Variants in CSF2RB observed in about 807,000 individuals in gnomAD.
CSF2RB encodes colony stimulating factor 2 receptor subunit beta.
CSF2RB carries 22 observed loss-of-function variants against 67.2 expected under a neutral mutation model. The ratio of observed to expected loss-of-function variants is 0.33; its 90% CI spans 0.23 to 0.47. The LOEUF (loss-of-function observed/expected upper bound fraction) is 0.47. CSF2RB is among the 20% of genes least tolerant of loss of function. CSF2RB has a pLI of 1.00. For synonymous variants in CSF2RB, 507 were observed against 482.9 expected (o/e 1.05, Z -0.65); for missense variants, 1,113 against 1,174.5 (o/e 0.95, Z 0.76).
At chr22:36,924,178 G>T (rs1940952280) in intron 3 of CSF2RB, among the ~76,000 whole-genome samples, 1 of 142,874 alleles carries the variant, frequency 7.0e-6, no homozygotes, top group South Asian at 2.4e-4. Context: ...TCTCCTCAAA[G>T]ACCATCCTGC....
In CSF2RB at chr22:36,939,459, G is replaced by A. The variant is rs556277986; in HGVS notation, c.*957G>A. The A allele has an allele frequency of 9.8e-5, 54 of 551,536 alleles. 1 individual carries two copies. The highest frequency in any genetic ancestry group is 3.6e-4 in the East Asian group (12 of 32,986). 34.2% of individuals were successfully genotyped at this position (551,536 alleles called of 1,614,324 possible). A position where few individuals can be genotyped will look rare whatever the true frequency, so the allele number is the denominator to read the frequency against. ...AGACCAGGCAACTCTCCCTCCCACC[G>A]GCCACAGATGAGGGGCTGCTGATCT... On this transcript the variant is annotated 3_prime_UTR_variant, in exon 14 of 14. Transcript: ENST00000403662.
chr22:36,935,501 C>A, intron 11 of CSF2RB, 60 bp downstream of exon 11: 1 of 1,603,124 alleles, frequency 6.2e-7, no homozygotes, highest in Non-Finnish European at 8.5e-7. Flanking sequence ...ACTGGGGAAT[C>A]CCACCCAGCT....
intron 3 of CSF2RB, among the ~76,000 whole-genome samples, chr22:36,925,747 C>T (rs540845502): frequency 6.6e-6 from 1 of 152,324 alleles, no homozygotes; most frequent in South Asian, 2.1e-4. Flanking sequence ...CCTCCCTCCT[C>T]ACCTGCTTCT....
In CSF2RB at chr22:36,937,239, C is replaced by T. The variant is rs764550005; in HGVS notation, c.1569-138C>T. ...GGCCCCTGCTCCCTCAACCCTGTCC[C>T]GTTCAGGTTCTCTCTGTGAGATCTG... On this transcript the variant is annotated intron_variant, in intron 13 of 13. Transcript: ENST00000403662. This position sits in a 1 kb window ranked among gnomAD's most constrained non-coding sequence, Gnocchi z 4.6. 5.0e-5 allele frequency: 55 copies of T among 1,093,318 alleles called. No individual in the cohort carries two copies. The highest frequency in any genetic ancestry group is 5.8e-4 in the Middle Eastern group (2 of 3,438). 67.7% of individuals were successfully genotyped at this position (1,093,318 alleles called of 1,614,324 possible). A position where few individuals can be genotyped will look rare whatever the true frequency, so the allele number is the denominator to read the frequency against.
Position 36,937,422 on chromosome 22 carries a change from C to T in CSF2RB, c.1614C>T (p.Thr538=). The change falls in exon 14 of 14, where the codon ACC becomes ACT. Residue 538 remains threonine (T), a synonymous_variant. Transcript: ENST00000403662. The surrounding 1 kb of genome is among the most constrained non-coding windows in gnomAD (Gnocchi z 4.6). The stretch of plus-strand genomic sequence containing the variant: ...GGGACAGCGAGGTGTCACCTCTCAC[C>T]ATAGAGGACCCCAAGCATGTCTGTG... ...GFGDSEVSPL[T]IEDPKHVCDP... 1.2e-6 allele frequency: 2 copies of T among 1,614,024 alleles called. No individual in the cohort carries two copies. Among genetic ancestry groups the T allele is most frequent in the Non-Finnish European group, 1.7e-6 (2 of 1,179,976 alleles).
At chr22:36,922,963 G>A (rs912731503) in intron 2 of CSF2RB, among the ~76,000 whole-genome samples, 2 of 151,962 alleles carry the variant, frequency 1.3e-5, no homozygotes, top group African/African-American at 4.8e-5. Flanking sequence ...CTGTCCTGGG[G>A]TGGGGGGAGG....
chr22:36,930,687 C>G lies in CSF2RB; in HGVS notation c.869C>G (p.Ser290Cys). The change falls in exon 8 of 14, where the codon TCC (serine) becomes TGC (cysteine). Residue 290 changes from serine to cysteine, a missense_variant. Transcript: ENST00000403662. ...GTGCTCCTCAGGGAGGAAGAGTGCT[C>G]CCCAGTGCTGAGGGAGGGGCTCGGC... Reference protein sequence around the residue: ...PSPDAGEEECSPVLREGLGSL... With the variant: ...PSPDAGEEECCPVLREGLGSL... 1 of 1,612,792 alleles carries G rather than the reference C, an allele frequency of 6.2e-7. No homozygotes were observed. Among genetic ancestry groups the G allele is most frequent in the Non-Finnish European group, 8.5e-7 (1 of 1,180,004 alleles).
At chr22:36,916,638 C>T (rs540749263) in intron 1 of CSF2RB, among the ~76,000 whole-genome samples, 168 of 152,124 alleles carry the variant, frequency 1.1e-3, no homozygotes, top group Middle Eastern at 3.4e-3. Context: ...CAGGCAGATC[C>T]CTTGAAGTTG....
intron 1 of CSF2RB, among the ~76,000 whole-genome samples, chr22:36,920,860 G>A (rs953081167): frequency 1.1e-4 from 17 of 152,070 alleles, no homozygotes; most frequent in African/African-American, 3.9e-4. Flanking sequence ...GCATTTTTAT[G>A]TTGTTAATCA....
Position 36,938,257 on chromosome 22 carries a change from C to T in CSF2RB, c.2449C>T (p.Gln817Ter). 1 of 1,614,196 alleles carries T rather than the reference C, an allele frequency of 6.2e-7. No homozygotes were observed. Among genetic ancestry groups the T allele is most frequent in the Non-Finnish European group, 8.5e-7 (1 of 1,180,026 alleles). ...SPQPEGLLVL[Q>*]QVGDYCFLPG... ...ACAGCCCGAGGGCCTCCTTGTCCTG[C>T]AGCAAGTGGGCGACTATTGCTTCCT... is the stretch of plus-strand genomic sequence containing the variant. The change falls in exon 14 of 14, where the codon CAG (glutamine) becomes TAG (stop). Residue 817 changes from glutamine (Q) to a stop codon, truncating the protein, a stop_gained. Transcript: ENST00000403662. LOFTEE classifies it low-confidence loss of function (END_TRUNC).
intron 1 of CSF2RB, among the ~76,000 whole-genome samples, chr22:36,915,324 A>T (rs2065325264): frequency 6.6e-6 from 1 of 151,978 alleles, no homozygotes; most frequent in African/African-American, 2.4e-5. Context: ...ACCTCAGATG[A>T]TCCGCCTGTC....
intron 1 of CSF2RB, 36 bp downstream of exon 1, chr22:36,913,713 G>A (rs1940645624): frequency 1.3e-5 from 2 of 152,536 alleles, no homozygotes; most frequent in Non-Finnish European, 1.5e-5. Context: ...GCTGAGGGGT[G>A]GGGTCAGAGC....
rs764112211 is a variant in CSF2RB at position 36,936,558 on chromosome 22, G to T, written c.1474G>T (p.Ala492Ser). ...GTCTCTGCTCTTGCAGAACGGGAGC[G>T]CAGAGCTTTGGCCCCCAGGCAGCAT... ...SKSHLFQNGS[A>S]ELWPPGSMSA... The change falls in exon 13 of 14, where the codon GCA (alanine) becomes TCA (serine). Residue 492 changes from alanine (A) to serine (S), a missense_variant. By Grantham distance (99) the Ala-to-Ser change is moderately conservative (BLOSUM62 1). Around this residue, in one of 2 missense-constraint regions of CSF2RB, gnomAD observed 559 missense variants for 656.5 expected, o/e 0.85. Transcript: ENST00000403662. 1.2e-6 allele frequency: 2 copies of T among 1,612,784 alleles called. No homozygotes were observed. The highest frequency in any genetic ancestry group is 1.7e-6 in the Non-Finnish European group (2 of 1,179,958).
At chr22:36,919,248 AC>A (rs1196599995) in intron 1 of CSF2RB, among the ~76,000 whole-genome samples, 1 of 151,750 alleles carries the variant, frequency 6.6e-6, no homozygotes, top group Non-Finnish European at 1.5e-5. Flanking sequence ...AATTCTCTCC[AC>A]CCCCTGCTTC....
In CSF2RB at chr22:36,926,189, G is replaced by A. The variant is rs1941013096; in HGVS notation, c.391+12G>A. The A allele has an allele frequency of 1.2e-6, 2 of 1,613,304 alleles. No homozygotes were observed. Among genetic ancestry groups the A allele is most frequent in the Admixed American group, 3.3e-5 (2 of 59,998 alleles). On this transcript the variant is annotated intron_variant, in intron 4 of 13. Transcript: ENST00000403662. ...TCTGACCCAGCATGGTGAGGGGCTG[G>A]GGGCCCTGCCCGGGGCTTGGTTTCC...
chr22:36,925,281 C>A (rs1050741697), intron 3 of CSF2RB, among the ~76,000 whole-genome samples: 1 of 152,226 alleles, frequency 6.6e-6, no homozygotes, highest in African/African-American at 2.4e-5. Flanking sequence ...GCCAGCCTGA[C>A]CACCCTGTTG....
At chr22:36,936,512 C>G in intron 12 of CSF2RB, 37 bp from the exon 13 acceptor site, 1 of 1,604,932 alleles carries the variant, frequency 6.2e-7, no homozygotes, top group East Asian at 2.2e-5. Flanking sequence ...CTCGGACCTC[C>G]TGATGCTCAC....
In CSF2RB at chr22:36,939,059, A is replaced by G. The variant is rs944310208; in HGVS notation, c.*557A>G. 2.9e-6 allele frequency: 2 copies of G among 688,220 alleles called. No homozygotes were observed. Among genetic ancestry groups the G allele is most frequent in the Admixed American group, 2.0e-5 (1 of 49,480 alleles). 42.6% of individuals were successfully genotyped at this position (688,220 alleles called of 1,614,324 possible). ...TTGGAAGAGTGGCACAGGACTGGGC[A>G]CGCTCAGTGAGGCTCAGGGAATTCA... On this transcript the variant is annotated 3_prime_UTR_variant, in exon 14 of 14. Transcript: ENST00000403662.
chr22:36,922,263 G>A lies in CSF2RB; in HGVS notation c.56G>A (p.Arg19His), dbSNP rs777889990. The change falls in exon 2 of 14, where the codon CGC (arginine) becomes CAC (histidine). Residue 19 changes from arginine (R) to histidine (H), a missense_variant. Around this residue, in one of 2 missense-constraint regions of CSF2RB, gnomAD observed 559 missense variants for 656.5 expected, o/e 0.85. Coordinates refer to ENST00000403662, the MANE Select transcript of CSF2RB (RefSeq NM_000395.3). ...SMALLALCWE[R>H]SLAGAEETIP... Reference sequence around the variant, plus strand: ...GCCCTGCTGGCCCTGTGCTGGGAGCGCAGCCTGGCAGGGGCAGAAGGTGAG... The same window carrying A: ...GCCCTGCTGGCCCTGTGCTGGGAGCACAGCCTGGCAGGGGCAGAAGGTGAG... 9.5e-6 allele frequency: 15 copies of A among 1,579,358 alleles called. No homozygotes were observed. The highest frequency in any genetic ancestry group is 1.3e-5 in the African/African-American group (1 of 74,448).
Sources: allele counts gnomAD v4.1 joint callset (sites outside exome capture counted in the v4.1 genomes callset), GRCh38; gene constraint gnomAD v4.1.1; regional missense constraint gnomAD v4.1.1; non-coding constraint Gnocchi (gnomAD v3.1); transcripts MANE v1.5; gene names NCBI Gene and HGNC (gene_info 2026-07-23, HGNC 2026-07-21).